The following MEIOB variants were observed in gnomAD, a reference collection of about 807,000 sequenced individuals.
MEIOB encodes meiosis specific with OB-fold.
In MEIOB, 50 loss-of-function variants were observed where a neutral mutation model predicts 53.1. The ratio of observed to expected loss-of-function variants is 0.94; its 90% CI spans 0.75 to 1.19. The LOEUF (loss-of-function observed/expected upper bound fraction) is 1.19. Among genes scored for constraint, MEIOB ranks in the 50% most tolerant of loss-of-function variants. The probability of loss-of-function intolerance (pLI) is 0.00; values close to 1 mark genes in which losing one functional copy is unlikely to be tolerated. For synonymous variants in MEIOB, 192 were observed against 182.5 expected, an observed-to-expected ratio of 1.05 and a Z score of -0.42; for missense variants, 551 against 550.8, an observed-to-expected ratio of 1.00 and a Z score of 0.00.
intron 3 of MEIOB, among the ~76,000 whole-genome samples, chr16:1,863,000 A>G (rs1178709357): frequency 6.6e-6 from 1 of 151,856 alleles, no homozygotes; most frequent in African/African-American, 2.4e-5. Flanking sequence ...GAGGTGAGGT[A>G]GGAGAATCAC....
intron 6 of MEIOB, among the ~76,000 whole-genome samples, chr16:1,855,259 T>C (rs534721413): frequency 2.9e-4 from 44 of 151,846 alleles, no homozygotes; most frequent in Non-Finnish European, 5.7e-4. Flanking sequence ...TGGTGAAACC[T>C]TGTCTCTACT....
At position 1,868,212 on chromosome 16, in the gene MEIOB, A is replaced by C. The variant is rs1199989555; in HGVS notation, c.-9-28T>G. ...GCATTTTAGAAAATATAATTTAGAT[A>C]TATAAATTGAATAAATGAAATAAAT... On this transcript the variant is annotated intron_variant, in intron 1 of 13. Transcript: ENST00000325962. 10 of 1,150,190 alleles carry C rather than the reference A, an allele frequency of 8.7e-6. No homozygotes were observed. In the South Asian group the frequency reaches 1.3e-4, roughly 15 times the overall value. 71.2% of individuals were successfully genotyped at this position (1,150,190 alleles called of 1,614,324 possible).
At chr16:1,865,415 G>C (rs908346122) in intron 3 of MEIOB, among the ~76,000 whole-genome samples, 1 of 137,388 alleles carries the variant, frequency 7.3e-6, no homozygotes, top group Non-Finnish European at 1.6e-5. Context: ...CTGAGTGACA[G>C]AGCGAGCCTC....
chr16:1,862,216 A>G, intron 3 of MEIOB, 100 bp from the exon 4 acceptor site: 1 of 873,210 alleles, frequency 1.1e-6, no homozygotes, highest in East Asian at 2.7e-5. Context: ...TCAATTATAA[A>G]CAAATGATTA....
chr16:1,857,802 C>G lies in MEIOB; in HGVS notation c.461G>C (p.Gly154Ala). The change falls in exon 6 of 14, where the codon GGT becomes GCT. Residue 154 changes from glycine (G) to alanine (A), a missense_variant. Physicochemically the swap from Gly to Ala is moderately conservative, Grantham distance 60 (BLOSUM62 0). Transcript: ENST00000325962. ...ACTGTGTCCATTTGCAACAATGTCACCCAGTGAATAATAATCATGAGACTC... is the reference window on the plus strand; with the variant it reads ...ACTGTGTCCATTTGCAACAATGTCAGCCAGTGAATAATAATCATGAGACTC... ...VKESHDYYSL[G>A]DIVANGHSLN... 1 of 1,551,908 alleles carries G rather than the reference C, an allele frequency of 6.4e-7. No homozygotes were observed. The highest frequency in any genetic ancestry group is 8.7e-7 in the Non-Finnish European group (1 of 1,146,906).
At chr16:1,868,238 C>A in intron 1 of MEIOB, 54 bp from the exon 2 acceptor site, 1 of 1,000,632 alleles carries the variant, frequency 1.0e-6, no homozygotes, top group South Asian at 1.6e-5. Context: ...TGAAATAAAT[C>A]ATTTAAAAAA....
chr16:1,849,870 A>T (rs74497451), intron 9 of MEIOB, among the ~76,000 whole-genome samples: 5,493 of 152,320 alleles, frequency 0.036, 341 homozygotes, highest in African/African-American at 0.12. Flanking sequence ...AAAAAAAATG[A>T]TAAGTATGTG....
At chr16:1,854,249 T>C (rs570618046) in intron 6 of MEIOB, 49 bp from the exon 7 acceptor site, 9 of 1,095,680 alleles carry the variant, frequency 8.2e-6, no homozygotes, top group South Asian at 4.4e-5. Flanking sequence ...GTAGAAGTTC[T>C]TAAGTATTTG....
At chr16:1,850,379 G>C (rs1899136408) in intron 9 of MEIOB, among the ~76,000 whole-genome samples, 1 of 151,376 alleles carries the variant, frequency 6.6e-6, no homozygotes, top group East Asian at 2.0e-4. Context: ...AGAAGTTCAA[G>C]ACCAGCCTGG....
chr16:1,844,506 C>T (rs529348535), intron 10 of MEIOB, among the ~76,000 whole-genome samples: 126 of 151,714 alleles, frequency 8.3e-4, no homozygotes, highest in African/African-American at 3.0e-3. Flanking sequence ...AGTGTAGCCT[C>T]GCTCTGTCAC....
At chr16:1,857,644 G>T in intron 6 of MEIOB, 91 bp downstream of exon 6, 1 of 939,052 alleles carries the variant, frequency 1.1e-6, no homozygotes, top group Non-Finnish European at 1.6e-6. Flanking sequence ...AGTTACCCCA[G>T]CTGATCGTGA....
chr16:1,837,865 A>G lies in MEIOB; in HGVS notation c.1224T>C (p.His408=). ...VAEETLGCTV[H]EFLAMTDEQK... ...GTTCATCTGTCATTGCAAGAAACTC[A>G]TGTACCTGGTTAAAAAAAAAATATG... The change falls in exon 13 of 14, where the codon CAT becomes CAC. Residue 408 remains histidine (H), a synonymous_variant. Coordinates refer to ENST00000325962, the MANE Select transcript of MEIOB (RefSeq NM_001163560.3). The G allele has an allele frequency of 6.6e-7, 1 of 1,510,816 alleles. No individual in the cohort carries two copies. Among genetic ancestry groups the G allele is most frequent in the African/African-American group, 1.4e-5 (1 of 70,274 alleles). The allele number at this position is 1,510,816 out of a possible 1,614,324, so 93.6% of individuals were successfully genotyped here. A position where few individuals can be genotyped will look rare whatever the true frequency, so the allele number is the denominator to read the frequency against.
chr16:1,856,432 G>A (rs1289856122), intron 6 of MEIOB, among the ~76,000 whole-genome samples: 1 of 151,834 alleles, frequency 6.6e-6, no homozygotes, highest in Admixed American at 6.6e-5. Flanking sequence ...CCATTCTCCT[G>A]CCTCAGCCTC....
intron 9 of MEIOB, among the ~76,000 whole-genome samples, chr16:1,849,388 A>AT (rs1182400934): frequency 2.0e-5 from 3 of 152,082 alleles, no homozygotes; most frequent in African/African-American, 7.2e-5. Flanking sequence ...ACTAAAAAAT[A>AT]CAAAAAAATT....
chr16:1,837,817 T>C lies in MEIOB; in HGVS notation c.1272A>G (p.Gln424=), dbSNP rs1323526207. ...AAATTTTGCTTCTTTCCAAGAGAAA[T>C]TGCCACTTTAATGCTGTTTTCTGTT... The part of the protein sequence containing the change: ...TDEQKTALKW[Q]FLLERSKIYL... Residue 424 remains glutamine (Q), a synonymous_variant, in exon 13 of 14, where the codon CAA becomes CAG. Transcript: ENST00000325962. 3 of 1,541,198 alleles carry C rather than the reference T, an allele frequency of 1.9e-6. No homozygotes were observed. Among genetic ancestry groups the C allele is most frequent in the Admixed American group, 4.0e-5 (2 of 49,522 alleles).
chr16:1,868,482 C>T (rs141333577), intron 1 of MEIOB, among the ~76,000 whole-genome samples: 1,935 of 151,816 alleles, frequency 0.013, 46 homozygotes, highest in African/African-American at 0.045. Context: ...GAGCCGAGAT[C>T]GCACTACTGC....
At chr16:1,854,048 C>T in intron 7 of MEIOB, 52 bp downstream of exon 7, 2 of 1,005,022 alleles carry the variant, frequency 2.0e-6, no homozygotes, top group Non-Finnish European at 3.0e-6. Flanking sequence ...ATGAAAATGT[C>T]CTGGTGATAA....
chr16:1,853,135 C>T lies in MEIOB; in HGVS notation c.683-1G>A, dbSNP rs750376392. On this transcript the variant is annotated splice_acceptor_variant, in intron 8 of 13. Transcript: ENST00000325962. LOFTEE classifies it high-confidence loss of function. ...ATTCTTACATCTGAGGCAAATATTA[C>T]TGTTTGGGAAAAAAGCCATTTAAAA... 1.9e-6 allele frequency: 3 copies of T among 1,608,038 alleles called. No individual in the cohort carries two copies. The South Asian group carries it at 3.3e-5, about 18-fold the overall frequency.
rs555853473 is a variant in MEIOB at position 1,868,118 on chromosome 16, T to C, written c.58A>G (p.Met20Val). 2 of 1,522,940 alleles carry C rather than the reference T, an allele frequency of 1.3e-6. No homozygotes were observed. Among genetic ancestry groups the C allele is most frequent in the Non-Finnish European group, 8.9e-7 (1 of 1,124,316 alleles). The allele number at this position is 1,522,940 out of a possible 1,614,324, so 94.3% of individuals were successfully genotyped here. ...TTATTGAAACCTACCAGATTAGCCA[T>C]ATTTGTCTGCAGATCTGAAAGGGTA... ...FTTLSDLQTN[M>V]ANLKVIGIVI... Residue 20 changes from methionine (M) to valine (V), a missense_variant, in exon 2 of 14, where the codon ATG (methionine) becomes GTG (valine). By Grantham distance (21) the Met-to-Val change is conservative. Coordinates refer to ENST00000325962, the MANE Select transcript of MEIOB (RefSeq NM_001163560.3).
Sources: allele counts gnomAD v4.1 joint callset (sites outside exome capture counted in the v4.1 genomes callset), GRCh38; gene constraint gnomAD v4.1.1; transcripts MANE v1.5; gene names NCBI Gene and HGNC (gene_info 2026-07-23, HGNC 2026-07-21).